SMG1: variants seen among roughly 807,000 people sequenced by gnomAD.
SMG1 encodes the protein SMG1 nonsense mediated mRNA decay associated PI3K related kinase.
Under a neutral mutation model 419.9 loss-of-function variants are expected in SMG1, and 22 were observed. That is an observed-to-expected ratio of 0.05 (90% CI 0.04 to 0.07). The LOEUF (loss-of-function observed/expected upper bound fraction) is 0.07, where lower values mean the gene tolerates loss of function less well. SMG1 is among the 10% of genes least tolerant of loss of function. The pLI is 1.00. For synonymous variants in SMG1, 1,538 were observed against 1,553.5 expected, an observed-to-expected ratio of 0.99 and a Z score of 0.23; for missense variants, 3,185 against 4,342.0, an observed-to-expected ratio of 0.73 and a Z score of 7.49.
intron 1 of SMG1, among the ~76,000 whole-genome samples, chr16:18,909,351 G>T (rs537193204): frequency 1.3e-5 from 2 of 151,502 alleles, no homozygotes; most frequent in Non-Finnish European, 2.9e-5. Context: ...TCAAAAAAAG[G>T]AAAAAATAAA....
In SMG1 at chr16:18,851,068, AAAAT is replaced by A. The variant is rs566538888; in HGVS notation, c.5053-605_5053-602del. 4.3e-4 allele frequency among the ~76,000 whole-genome samples: 65 copies of A among 152,296 alleles called. No homozygotes were observed. In the South Asian group the frequency reaches 0.012, roughly 28 times the overall value. ...CCGCACCCAGCCTATGCCTGCAAAA[AAAAT>A]AAGCACAATCTGCTCAAAAGTTTGA... is the stretch of plus-strand genomic sequence containing the variant. On this transcript the variant is annotated intron_variant, in intron 33 of 62. Coordinates refer to ENST00000446231, the MANE Select transcript of SMG1 (RefSeq NM_015092.5).
chr16:18,812,402 G>C (rs2031499344), intron 60 of SMG1, among the ~76,000 whole-genome samples: 2 of 152,054 alleles, frequency 1.3e-5, no homozygotes, highest in African/African-American at 4.8e-5. Flanking sequence ...TGTAATCCCA[G>C]CACTTTGGGG....
At chr16:18,861,470 G>A (rs1040745687) in intron 25 of SMG1, 23 of 151,662 alleles carry the variant, frequency 1.5e-4, no homozygotes, top group African/African-American at 4.8e-4. Context: ...CCAGGAAGAA[G>A]ACACTGTTTC....
At chr16:18,901,361 C>T (rs578152925) in intron 1 of SMG1, among the ~76,000 whole-genome samples, 1 of 152,102 alleles carries the variant, frequency 6.6e-6, no homozygotes, top group East Asian at 1.9e-4. Context: ...GCATGCCACC[C>T]CATTTAGCTA....
At position 18,814,423 on chromosome 16, in the gene SMG1, T is replaced by TG. The variant is rs576676565; in HGVS notation, c.10621+751dup. On this transcript the variant is annotated intron_variant, in intron 60 of 62. Coordinates refer to ENST00000446231, the MANE Select transcript of SMG1 (RefSeq NM_015092.5). ...CTGAGGCAGGAGAATTGCTTGAATC[T>TG]GGGGGGTGGAGGTTACAGTGAGCCG... Among the ~76,000 whole-genome samples, 366 of 150,828 alleles carry TG rather than the reference T, an allele frequency of 2.4e-3. 4 individuals carry two copies. The highest frequency in any genetic ancestry group is 8.6e-3 in the African/African-American group (356 of 41,188).
At chr16:18,831,624 C>A (rs1026800342) in intron 51 of SMG1, among the ~76,000 whole-genome samples, 2 of 151,334 alleles carry the variant, frequency 1.3e-5, no homozygotes, top group Admixed American at 6.6e-5. Flanking sequence ...GGCATGGGGG[C>A]ATACGTCCAT....
At chr16:18,904,615 T>C (rs1457005476) in intron 1 of SMG1, among the ~76,000 whole-genome samples, 14 of 149,964 alleles carry the variant, frequency 9.3e-5, no homozygotes, top group Non-Finnish European at 1.9e-4. Context: ...TCCAGTCTGG[T>C]GACAGAGCAA....
chr16:18,901,108 T>C (rs1018427482), intron 1 of SMG1, among the ~76,000 whole-genome samples: 1 of 152,242 alleles, frequency 6.6e-6, no homozygotes, highest in Non-Finnish European at 1.5e-5. Flanking sequence ...TAAATGAGTA[T>C]GCATCAGTTT....
Position 18,854,747 on chromosome 16 carries a change from T to G in SMG1, c.4392A>C (p.Gln1464His), listed in dbSNP as rs781543146. 1 of 1,614,038 alleles carries G rather than the reference T, an allele frequency of 6.2e-7. No individual in the cohort carries two copies. The highest frequency in any genetic ancestry group is 8.5e-7 in the Non-Finnish European group (1 of 1,179,884). Residue 1464 changes from glutamine to histidine, a missense_variant, in exon 30 of 63, where the codon CAA becomes CAC. By Grantham distance (24) the Gln-to-His change is conservative (BLOSUM62 0). Transcript: ENST00000446231. ...CTTGGGTTGATAGTTTTTTAAAATG[T>G]TGGACTAAATCCTGTGCAGTGGTGG... ...GKTTTAQDLV[Q>H]HFKKLSTQGQ...
chr16:18,882,138 A>G, intron 10 of SMG1, 27 bp downstream of exon 10: 2 of 1,481,582 alleles, frequency 1.3e-6, no homozygotes, highest in Non-Finnish European at 1.8e-6. Flanking sequence ...TTTTTGAATG[A>G]CACTTGAAAT....
chr16:18,821,217 G>GTTTTTTTTTTTTTTTTTTTTTTTTTTT (rs2032501770), intron 55 of SMG1, among the ~76,000 whole-genome samples: 3 of 31,736 alleles, frequency 9.5e-5, no homozygotes, highest in African/African-American at 3.2e-4. Flanking sequence ...TATTTAGTAT[G>GTTTTTTTTTTTTTTTTTTTTTTTTTTT]TTTCTTTTTT....
chr16:18,885,597 T>C lies in SMG1; in HGVS notation c.892A>G (p.Lys298Glu), dbSNP rs745906891. The change falls in exon 7 of 63, where the codon AAG (lysine) becomes GAG (glutamate). Residue 298 changes from lysine (K) to glutamate (E), a missense_variant. This residue lies in a region of SMG1 where 53 missense variants were observed against 56.3 expected (regional missense o/e 0.94). Coordinates refer to ENST00000446231, the MANE Select transcript of SMG1 (RefSeq NM_015092.5). ...DTPELLCKCVKCILLVARCYP... is the reference protein window; with the variant it reads ...DTPELLCKCVECILLVARCYP... ...CATCGAGCCACCAAAAGAATGCACT[T>C]AACACATTTACAAAGCAATTCTGGT... is the stretch of plus-strand genomic sequence containing the variant. The C allele has an allele frequency of 2.6e-5, 41 of 1,595,854 alleles. No individual in the cohort carries two copies. Among genetic ancestry groups the C allele is most frequent in the Non-Finnish European group, 3.3e-5 (39 of 1,179,470 alleles).
rs552269251 is a variant in SMG1 at position 18,879,119 on chromosome 16, T to G, written c.1518+376A>C. On this transcript the variant is annotated intron_variant, in intron 11 of 62. Transcript: ENST00000446231. The stretch of plus-strand genomic sequence containing the variant: ...TAATATAATAAAGCAAAGCCCTTAT[T>G]TTTTTTTCTTTTTTGGAGACAGGGC... 125 of 289,844 alleles carry G rather than the reference T, an allele frequency of 4.3e-4. 1 individual carries two copies. The highest frequency in any genetic ancestry group is 2.6e-3 in the African/African-American group (120 of 45,506). 18.0% of individuals were successfully genotyped at this position (289,844 alleles called of 1,614,324 possible). A position where few individuals can be genotyped will look rare whatever the true frequency, so the allele number is the denominator to read the frequency against.
rs1183362032 is a variant in SMG1 at position 18,815,194 on chromosome 16, A to G, written c.10602T>C (p.Tyr3534=). 23 of 1,592,256 alleles carry G rather than the reference A, an allele frequency of 1.4e-5. No homozygotes were observed. The highest frequency in any genetic ancestry group is 6.7e-5 in the African/African-American group (5 of 74,602). The stretch of plus-strand genomic sequence containing the variant: ...TCCTACCTGCAGCGAAGGATGGCTG[A>G]TAAGTAGCAGATGACGTTGGACTCG... ...ECSSPTSSAT[Y]QPSFAAAVRS... is the part of the protein sequence containing the mutation. Residue 3534 remains tyrosine, a synonymous_variant, in exon 60 of 63, where the codon TAT becomes TAC. Coordinates refer to ENST00000446231, the MANE Select transcript of SMG1 (RefSeq NM_015092.5).
intron 1 of SMG1, among the ~76,000 whole-genome samples, chr16:18,924,659 A>G (rs1429149615): frequency 5.3e-5 from 8 of 152,174 alleles, no homozygotes; most frequent in African/African-American, 1.2e-4. Flanking sequence ...TTATCGAACA[A>G]TATTTTTTTT....
intron 60 of SMG1, 138 bp from the exon 61 acceptor site, chr16:18,812,265 G>C (rs1484663027): frequency 1.3e-6 from 1 of 766,362 alleles, no homozygotes; most frequent in Non-Finnish European, 2.0e-6. Context: ...CTTGGACACA[G>C]CAATTGTCTT....
At chr16:18,851,727 G>C (rs866999344) in intron 33 of SMG1, among the ~76,000 whole-genome samples, 1 of 152,046 alleles carries the variant, frequency 6.6e-6, no homozygotes, top group Non-Finnish European at 1.5e-5. Flanking sequence ...ATTTTTAGTA[G>C]AGATGGGGTT....
In SMG1 at chr16:18,876,413, A is replaced by C; in HGVS notation, c.1621-20T>G. 1 of 1,575,496 alleles carries C rather than the reference A, an allele frequency of 6.3e-7. No individual in the cohort carries two copies. The highest frequency in any genetic ancestry group is 8.6e-7 in the Non-Finnish European group (1 of 1,160,036). On this transcript the variant is annotated intron_variant, in intron 12 of 62. Coordinates refer to ENST00000446231, the MANE Select transcript of SMG1 (RefSeq NM_015092.5). ...AACAACCTGAAAAACAAAAAATTCA[A>C]GGAAGTGATAAATGGAAAATAAATC... is the stretch of plus-strand genomic sequence containing the variant.
At chr16:18,885,693 G>C in intron 6 of SMG1, 27 bp from the exon 7 acceptor site, 1 of 1,593,358 alleles carries the variant, frequency 6.3e-7, no homozygotes, top group South Asian at 1.1e-5. Context: ...TACAAACCGT[G>C]AACATTCAAC....
Sources: allele counts gnomAD v4.1 joint callset (sites outside exome capture counted in the v4.1 genomes callset), GRCh38; gene constraint gnomAD v4.1.1; regional missense constraint gnomAD v4.1.1; transcripts MANE v1.5; gene names NCBI Gene and HGNC (gene_info 2026-07-23, HGNC 2026-07-21).